WAC: variants seen among roughly 807,000 people sequenced by gnomAD.
WAC encodes the protein WW domain containing adaptor with coiled-coil.
Under a neutral mutation model 79.6 loss-of-function variants are expected in WAC, and 11 were observed. That is an observed-to-expected ratio of 0.14 (90% CI 0.09 to 0.23). WAC has a LOEUF of 0.23. Among genes scored for constraint, WAC ranks in the 10% least tolerant of loss-of-function variants. WAC has a pLI of 1.00. For missense variants in WAC, 728 were observed against 773.5 expected (o/e 0.94, Z 0.70); for synonymous variants, 304 against 276.9 (o/e 1.10, Z -0.97).
At chr10:28,577,400 T>C (rs927363043) in intron 3 of WAC, among the ~76,000 whole-genome samples, 1 of 152,230 alleles carries the variant, frequency 6.6e-6, no homozygotes, top group African/African-American at 2.4e-5. Context: ...TTCAAGTTTT[T>C]ATTAGTACTC....
At chr10:28,542,334 G>A (rs966600810) in intron 3 of WAC, among the ~76,000 whole-genome samples, 1 of 152,124 alleles carries the variant, frequency 6.6e-6, no homozygotes, top group African/African-American at 2.4e-5. Flanking sequence ...TAGTCATTCT[G>A]CTATAACATG....
At chr10:28,547,561 T>G (rs1833207836) in intron 3 of WAC, among the ~76,000 whole-genome samples, 1 of 152,148 alleles carries the variant, frequency 6.6e-6, no homozygotes, top group East Asian at 1.9e-4. Context: ...ACTTGTAACT[T>G]TTTTTGTGAA....
chr10:28,619,814 T>C lies in WAC; in HGVS notation c.*208T>C, dbSNP rs1312539934. ...TTGAAATGTAGATTTCTTGTAGATG[T>C]ATCCTTCACGTTGTAAATATGTTTT... On this transcript the variant is annotated 3_prime_UTR_variant, in exon 14 of 14. Transcript: ENST00000354911. The C allele has an allele frequency of 6.8e-6, 3 of 443,156 alleles. No homozygotes were observed. Among genetic ancestry groups the C allele is most frequent in the Admixed American group, 4.3e-5 (1 of 23,216 alleles). 27.5% of individuals were successfully genotyped at this position (443,156 alleles called of 1,614,324 possible).
intron 6 of WAC, among the ~76,000 whole-genome samples, chr10:28,593,801 A>T (rs926501317): frequency 7.9e-5 from 12 of 152,086 alleles, no homozygotes; most frequent in African/African-American, 2.9e-4. Flanking sequence ...AATTATATGG[A>T]TAAAATTTTT....
intron 4 of WAC, among the ~76,000 whole-genome samples, chr10:28,588,134 C>G (rs1365122050): frequency 1.3e-5 from 2 of 152,110 alleles, no homozygotes; most frequent in South Asian, 4.1e-4. Flanking sequence ...AACCACTTGG[C>G]AAGCAAACCA....
intron 13 of WAC, chr10:28,618,022 AATAAT>A: frequency 3.3e-6 from 1 of 298,956 alleles, no homozygotes; most frequent in Non-Finnish European, 6.1e-6. Flanking sequence ...CATAAGCTGC[AATAAT>A]ATATTACTGA....
At chr10:28,545,234 G>A (rs891387621) in intron 3 of WAC, among the ~76,000 whole-genome samples, 2 of 152,042 alleles carry the variant, frequency 1.3e-5, no homozygotes, top group African/African-American at 4.8e-5. Flanking sequence ...GGTCATGCAC[G>A]TAATCCCAGC....
chr10:28,568,431 T>C (rs1364433594), intron 3 of WAC, among the ~76,000 whole-genome samples: 1 of 152,100 alleles, frequency 6.6e-6, no homozygotes, highest in African/African-American at 2.4e-5. Flanking sequence ...GCCGGGCTGG[T>C]GTGCAGTGGC....
intron 3 of WAC, among the ~76,000 whole-genome samples, chr10:28,558,051 G>A (rs1589151595): frequency 6.6e-6 from 1 of 152,074 alleles, no homozygotes. Flanking sequence ...TCCAGCCTGG[G>A]CAACAGAGCG....
chr10:28,568,403 T>C (rs1389565376), intron 3 of WAC, among the ~76,000 whole-genome samples: 1 of 152,180 alleles, frequency 6.6e-6, no homozygotes, highest in African/African-American at 2.4e-5. Context: ...TGTTTTGAGA[T>C]GGAGTCTTGC....
chr10:28,570,977 G>A (rs1440003134), intron 3 of WAC, among the ~76,000 whole-genome samples: 1 of 81,964 alleles, frequency 1.2e-5, no homozygotes, highest in Admixed American at 1.5e-4. Flanking sequence ...TTTTTTTTGA[G>A]TTGGAGTCTC....
intron 3 of WAC, among the ~76,000 whole-genome samples, chr10:28,543,975 G>A (rs1589130752): frequency 2.0e-5 from 3 of 152,084 alleles, no homozygotes; most frequent in Admixed American, 2.0e-4. Flanking sequence ...CAGCAAGCTC[G>A]CCTCTGCAGG....
chr10:28,585,551 T>C (rs1187584250), intron 4 of WAC, among the ~76,000 whole-genome samples: 1 of 151,700 alleles, frequency 6.6e-6, no homozygotes, highest in Non-Finnish European at 1.5e-5. Flanking sequence ...TTTCTTTTTT[T>C]TTTTTTTCCA....
At chr10:28,556,803 T>G (rs1470524221) in intron 3 of WAC, among the ~76,000 whole-genome samples, 1 of 152,180 alleles carries the variant, frequency 6.6e-6, no homozygotes, top group Non-Finnish European at 1.5e-5. Flanking sequence ...CCCAGCAACA[T>G]TTTTTGAAGA....
At chr10:28,564,558 A>G (rs993617481) in intron 3 of WAC, among the ~76,000 whole-genome samples, 2 of 152,184 alleles carry the variant, frequency 1.3e-5, no homozygotes, top group African/African-American at 4.8e-5. Context: ...CAAGGAGAAC[A>G]ATACCACACT....
At chr10:28,567,998 A>G (rs1357263700) in intron 3 of WAC, among the ~76,000 whole-genome samples, 1 of 152,198 alleles carries the variant, frequency 6.6e-6, no homozygotes, top group Non-Finnish European at 1.5e-5. Context: ...CTGGCCTCCC[A>G]AAGCACTGGG....
intron 10 of WAC, 27 bp downstream of exon 10, chr10:28,611,949 A>T: frequency 1.3e-6 from 2 of 1,598,740 alleles, no homozygotes; most frequent in Non-Finnish European, 1.7e-6. Context: ...GGACATTCGG[A>T]AAAGAAACTA....
At chr10:28,562,245 C>CG (rs1295575128) in intron 3 of WAC, among the ~76,000 whole-genome samples, 1 of 151,966 alleles carries the variant, frequency 6.6e-6, no homozygotes, top group Non-Finnish European at 1.5e-5. Flanking sequence ...TTAGTAGAGA[C>CG]GGGGTTTCAC....
intron 7 of WAC, among the ~76,000 whole-genome samples, chr10:28,602,786 A>G (rs1840705260): frequency 6.6e-6 from 1 of 152,210 alleles, no homozygotes; most frequent in African/African-American, 2.4e-5. Context: ...TAAACCCTAG[A>G]AAGAGGTTAT....
Sources: allele counts gnomAD v4.1 joint callset (sites outside exome capture counted in the v4.1 genomes callset), GRCh38; gene constraint gnomAD v4.1.1; transcripts MANE v1.5; gene names NCBI Gene and HGNC (gene_info 2026-07-23, HGNC 2026-07-21).